The following LRP4 variants were observed in gnomAD, a reference collection of about 807,000 sequenced individuals.
The protein encoded by LRP4 is low-density lipoprotein receptor-related protein 4.
In LRP4, 95 loss-of-function variants were observed where a neutral mutation model predicts 220.3. The observed-to-expected ratio is 0.43, with a 90% CI of 0.37 to 0.51. The LOEUF is 0.51. Ranked by LOEUF, LRP4 falls within the 20% of genes least tolerant of loss-of-function variation. LRP4 has a pLI of 0.00. For synonymous variants in LRP4, 903 were observed against 954.6 expected (o/e 0.95, Z 1.00); for missense variants, 1,925 against 2,567.0 (o/e 0.75, Z 5.40).
chr11:46,880,203 G>A (rs996681190), intron 20 of LRP4, among the ~76,000 whole-genome samples: 17 of 151,704 alleles, frequency 1.1e-4, no homozygotes, highest in Admixed American at 4.6e-4. Flanking sequence ...TAGATTAGTT[G>A]GGCCCGGTGG....
At position 46,902,810 on chromosome 11, in the gene LRP4, C is replaced by G. The variant is rs139901577; in HGVS notation, c.172G>C (p.Gly58Arg). 6.2e-7 allele frequency: 1 copy of G among 1,614,004 alleles called. No homozygotes were observed. Among genetic ancestry groups the G allele is most frequent in the Admixed American group, 1.7e-5 (1 of 60,002 alleles). ...QWQCDGDNDC[G>R]DHSDEDGCIL... Reference sequence around the variant, plus strand: ...CATCCATCCTCATCGCTGTGGTCCCCGCAGTCATTGTCTCCATCACACTGC... The same window carrying G: ...CATCCATCCTCATCGCTGTGGTCCCGGCAGTCATTGTCTCCATCACACTGC... The change falls in exon 2 of 38, where the codon GGG (glycine) becomes CGG (arginine). Residue 58 changes from glycine to arginine, a missense_variant. By Grantham distance (125) the Gly-to-Arg change is moderately radical. Coordinates refer to ENST00000378623, the MANE Select transcript of LRP4 (RefSeq NM_002334.4).
In LRP4 at chr11:46,894,815, T is replaced by C; in HGVS notation, c.1314A>G (p.Pro438=). Residue 438 remains proline (P), a synonymous_variant, in exon 12 of 38, where the codon CCA becomes CCG. Coordinates refer to ENST00000378623, the MANE Select transcript of LRP4 (RefSeq NM_002334.4). ...PDRRSCKALG[P]EPVLLFANRI... The stretch of plus-strand genomic sequence containing the variant: ...GATTGGCGAACAGCAGCACAGGCTC[T>C]GGCCCTGGGAAACAGTATAAACATG... The C allele has an allele frequency of 6.2e-7, 1 of 1,613,924 alleles. No individual in the cohort carries two copies. The highest frequency in any genetic ancestry group is 8.5e-7 in the Non-Finnish European group (1 of 1,179,756).
chr11:46,898,016 C>T (rs1397287283), intron 7 of LRP4, among the ~76,000 whole-genome samples: 2 of 145,276 alleles, frequency 1.4e-5, no homozygotes, highest in Non-Finnish European at 3.0e-5. Context: ...ACCCCCCAAC[C>T]TCCCTCCCGG....
Position 46,859,213 on chromosome 11 carries a change from G to C in LRP4, c.5488C>G (p.Arg1830Gly), listed in dbSNP as rs567501477. 6.2e-7 allele frequency: 1 copy of C among 1,614,056 alleles called. No homozygotes were observed. The highest frequency in any genetic ancestry group is 8.5e-7 in the Non-Finnish European group (1 of 1,179,974). Residue 1830 changes from arginine to glycine, a missense_variant, in exon 38 of 38, where the codon CGA (arginine) becomes GGA (glycine). Around this residue, in one of 3 missense-constraint regions of LRP4, gnomAD observed 1,244 missense variants for 1,624.9 expected, o/e 0.77. Coordinates refer to ENST00000378623, the MANE Select transcript of LRP4 (RefSeq NM_002334.4). ...DAEWDDLKQL[R>G]SSRGGLLRDH... ...CGGAGGAGGCCCCCCCGTGAGCTTC[G>C]CAGTTGCTTGAGGTCATCCCACTCA...
chr11:46,868,455 A>G (rs1940761133), intron 33 of LRP4, 145 bp downstream of exon 33: 2 of 722,400 alleles, frequency 2.8e-6, no homozygotes, highest in Non-Finnish European at 4.9e-6. Flanking sequence ...AAACCCAAGC[A>G]GACTGCTACC....
At chr11:46,884,994 T>C (rs1308522769) in intron 18 of LRP4, among the ~76,000 whole-genome samples, 1 of 152,136 alleles carries the variant, frequency 6.6e-6, no homozygotes, top group East Asian at 1.9e-4. Flanking sequence ...GTCTTGACTT[T>C]TGTTTTTTGG....
chr11:46,871,264 C>T (rs1443929576), intron 31 of LRP4, among the ~76,000 whole-genome samples: 2 of 152,178 alleles, frequency 1.3e-5, no homozygotes, highest in Non-Finnish European at 2.9e-5. Flanking sequence ...TGCATTTTAA[C>T]AAGCACCATA....
chr11:46,899,987 A>G lies in LRP4; in HGVS notation c.317-11T>C, dbSNP rs776234303. ...CACACTCCCGGGGGGCTGTGGGCAC[A>G]GAGCAGTCAGGCTGCTGCAGGCAGT... On this transcript the variant is annotated splice_polypyrimidine_tract_variant and intron_variant, in intron 3 of 37. Coordinates refer to ENST00000378623, the MANE Select transcript of LRP4 (RefSeq NM_002334.4). The surrounding 1 kb of genome is among the most constrained non-coding windows in gnomAD (Gnocchi z 5.9). 16 of 1,601,332 alleles carry G rather than the reference A, an allele frequency of 1.0e-5. No individual in the cohort carries two copies. The Admixed American group carries it at 2.0e-4, about 20-fold the overall frequency.
At position 46,862,686 on chromosome 11, in the gene LRP4, A is replaced by C; in HGVS notation, c.5305T>G (p.Tyr1769Asp). 1 of 1,613,660 alleles carries C rather than the reference A, an allele frequency of 6.2e-7. No homozygotes were observed. Among genetic ancestry groups the C allele is most frequent in the Non-Finnish European group, 8.5e-7 (1 of 1,179,872 alleles). ...MGNLTYSNPS[Y>D]RTSTQEVKIE... ...TTCACTTCCTGTGTGGATGTTCGGT[A>C]GGAGGGGTTGCTGTAGGTGAGGTTC... The change falls in exon 37 of 38, where the codon TAC becomes GAC. Residue 1769 changes from tyrosine to aspartate, a missense_variant. Tyr to Asp is a radical substitution (Grantham distance 160, BLOSUM62 -3). Around this residue, in one of 3 missense-constraint regions of LRP4, gnomAD observed 1,244 missense variants for 1,624.9 expected, o/e 0.77. Transcript: ENST00000378623.
chr11:46,915,330 G>T (rs1444856585), intron 1 of LRP4, among the ~76,000 whole-genome samples: 1 of 152,146 alleles, frequency 6.6e-6, no homozygotes, highest in Non-Finnish European at 1.5e-5. Flanking sequence ...CCCTTACCTG[G>T]ATGAGACCTC....
intron 1 of LRP4, among the ~76,000 whole-genome samples, chr11:46,904,121 G>A (rs956333102): frequency 6.6e-6 from 1 of 152,180 alleles, no homozygotes; most frequent in African/African-American, 2.4e-5. Flanking sequence ...CTCGCAGCTG[G>A]GGAAGGAGGG....
intron 2 of LRP4, 34 bp from the exon 3 acceptor site, chr11:46,900,412 A>G: frequency 7.7e-7 from 1 of 1,298,530 alleles, no homozygotes; most frequent in Non-Finnish European, 1.1e-6. Context: ...AAAGTCAATC[A>G]ACCTGGTATT....
chr11:46,888,989 C>T (rs1941361614), intron 16 of LRP4, among the ~76,000 whole-genome samples: 1 of 152,220 alleles, frequency 6.6e-6, no homozygotes, highest in South Asian at 2.1e-4. Flanking sequence ...GACCCGCTTA[C>T]ACAGAACATC....
chr11:46,899,787 C>T lies in LRP4; in HGVS notation c.430+76G>A, dbSNP rs1941626165. 1.6e-5 allele frequency: 19 copies of T among 1,194,372 alleles called. No homozygotes were observed. The South Asian group carries it at 1.8e-4, about 11-fold the overall frequency. 74.0% of individuals were successfully genotyped at this position (1,194,372 alleles called of 1,614,324 possible). ...GTTGGAGGTTTGGCAGTGCTAGGGC[C>T]ATTGCTGCTATCTTCTCCCATGGCC... is the stretch of plus-strand genomic sequence containing the variant. On this transcript the variant is annotated intron_variant, in intron 4 of 37. Transcript: ENST00000378623. This position sits in a 1 kb window ranked among gnomAD's most constrained non-coding sequence, Gnocchi z 5.9.
Position 46,875,084 on chromosome 11 carries a change from C to T in LRP4, c.3945G>A (p.Ser1315=), listed in dbSNP as rs61733844. 6,210 of 1,613,268 alleles carry T rather than the reference C, an allele frequency of 3.8e-3. 208 individuals are homozygous for T. In the African/African-American group the frequency reaches 0.072, roughly 19 times the overall value. Residue 1315 remains serine, a synonymous_variant, in exon 28 of 38, where the codon TCG becomes TCA. Transcript: ENST00000378623. The surrounding 1 kb of genome is among the most constrained non-coding windows in gnomAD (Gnocchi z 4.5). The stretch of plus-strand genomic sequence containing the variant: ...AGAGGTGGGAGCAGCCGCCATTTCT[C>T]GAGCCGCACTTGTTAAAACCTGGTG... ...AQPLGFNKCG[S]RNGGCSHLCL...
chr11:46,914,595 G>A (rs1417076812), intron 1 of LRP4, among the ~76,000 whole-genome samples: 5 of 152,262 alleles, frequency 3.3e-5, no homozygotes, highest in Non-Finnish European at 5.9e-5. Flanking sequence ...GAGGGCTTCC[G>A]CTGCTGAAGA....
intron 1 of LRP4, among the ~76,000 whole-genome samples, chr11:46,908,365 G>T (rs769404297): frequency 2.0e-5 from 3 of 152,112 alleles, no homozygotes; most frequent in Non-Finnish European, 4.4e-5. Context: ...AAGCAATTGC[G>T]GTTTTTGCCA....
At position 46,900,224 on chromosome 11, in the gene LRP4, A is replaced by C. The variant is rs971067149; in HGVS notation, c.316+38T>G. ...TGATTGAAAATCCTTTCCCAGTGGAACTCAATGGAGTTCCGCCCAGCCTCT... is the reference window on the plus strand; with the variant it reads ...TGATTGAAAATCCTTTCCCAGTGGACCTCAATGGAGTTCCGCCCAGCCTCT... On this transcript the variant is annotated intron_variant, in intron 3 of 37. Coordinates refer to ENST00000378623, the MANE Select transcript of LRP4 (RefSeq NM_002334.4). The C allele has an allele frequency of 5.4e-6, 8 of 1,472,652 alleles. No homozygotes were observed. In the African/African-American group the frequency reaches 9.7e-5, roughly 18 times the overall value. 91.2% of individuals were successfully genotyped at this position (1,472,652 alleles called of 1,614,324 possible).
At position 46,859,198 on chromosome 11, in the gene LRP4, C is replaced by G; in HGVS notation, c.5503G>C (p.Gly1835Arg). 2.5e-6 allele frequency: 4 copies of G among 1,614,108 alleles called. No individual in the cohort carries two copies. The highest frequency in any genetic ancestry group is 1.1e-5 in the South Asian group (1 of 91,084). Residue 1835 changes from glycine to arginine, a missense_variant, in exon 38 of 38, where the codon GGC becomes CGC. This residue lies in a region of LRP4 where 1,244 missense variants were observed against 1,624.9 expected (regional missense o/e 0.77). Coordinates refer to ENST00000378623, the MANE Select transcript of LRP4 (RefSeq NM_002334.4). The stretch of plus-strand genomic sequence containing the variant: ...ATGCATACATGATCCCGGAGGAGGC[C>G]CCCCCGTGAGCTTCGCAGTTGCTTG... The part of the protein sequence containing the change: ...DLKQLRSSRG[G>R]LLRDHVCMKT...
Sources: gnomAD v4.1 joint callset for allele counts (sites outside exome capture counted in the v4.1 genomes callset) on GRCh38, gnomAD v4.1.1 for gene constraint, gnomAD v4.1.1 regional missense constraint, Gnocchi (gnomAD v3.1) non-coding constraint, MANE v1.5 for transcripts, NCBI Gene and HGNC (gene_info 2026-07-23, HGNC 2026-07-21) for gene names.